Variants in TPD52L1 observed in about 807,000 individuals in gnomAD.
TPD52L1 encodes the protein tumor protein D53.
A neutral mutation model predicts 28.7 loss-of-function variants in TPD52L1; 18 were observed. The ratio of observed to expected loss-of-function variants is 0.63; its 90% CI spans 0.43 to 0.93. The LOEUF (loss-of-function observed/expected upper bound fraction) is 0.93. Ranked by LOEUF, TPD52L1 falls within the 40% of genes least tolerant of loss-of-function variation. TPD52L1 has a pLI of 0.00. For synonymous variants in TPD52L1, 75 were observed against 88.8 expected, an observed-to-expected ratio of 0.84 and a Z score of 0.88; for missense variants, 203 against 254.8, an observed-to-expected ratio of 0.80 and a Z score of 1.39.
chr6:125,169,217 A>G (rs1019566513), intron 1 of TPD52L1, among the ~76,000 whole-genome samples: 3 of 152,130 alleles, frequency 2.0e-5, no homozygotes, highest in Non-Finnish European at 2.9e-5. Flanking sequence ...CTCCTTTGCT[A>G]GCTGCTGGCC....
Position 125,184,568 on chromosome 6 carries a change from G to A in TPD52L1, c.19+30598G>A, listed in dbSNP as rs551147578. 2.6e-5 allele frequency among the ~76,000 whole-genome samples: 4 copies of A among 152,360 alleles called. No individual in the cohort carries two copies. In the South Asian group the frequency reaches 8.3e-4, roughly 32 times the overall value. On this transcript the variant is annotated intron_variant, in intron 1 of 6. Coordinates refer to ENST00000534000, the MANE Select transcript of TPD52L1 (RefSeq NM_003287.4). Reference sequence around the variant, plus strand: ...AGAGGGAGAAGCAATGTAGCAGCAAGTATCTGGAAGGAAGAAATAGTTGGT... The same window carrying A: ...AGAGGGAGAAGCAATGTAGCAGCAAATATCTGGAAGGAAGAAATAGTTGGT...
At chr6:125,185,894 AT>A (rs536833440) in intron 1 of TPD52L1, among the ~76,000 whole-genome samples, 324 of 130,422 alleles carry the variant, frequency 2.5e-3, no homozygotes, top group Non-Finnish European at 3.7e-3. Context: ...TGGAAATTTG[AT>A]TTTTTTTTTT....
chr6:125,221,893 T>G (rs1176010512), intron 2 of TPD52L1: 1 of 152,220 alleles, frequency 6.6e-6, no homozygotes, highest in Non-Finnish European at 1.5e-5. Flanking sequence ...CTCTTATTTC[T>G]GGGTTCTTCG....
chr6:125,241,113 T>C (rs566392483), intron 3 of TPD52L1, among the ~76,000 whole-genome samples: 1 of 152,324 alleles, frequency 6.6e-6, no homozygotes, highest in African/African-American at 2.4e-5. Flanking sequence ...ATTCTGTTTA[T>C]GTAATGTATC....
chr6:125,238,197 C>T (rs908987310), intron 3 of TPD52L1, among the ~76,000 whole-genome samples: 20 of 152,188 alleles, frequency 1.3e-4, no homozygotes, highest in African/African-American at 4.8e-4. Flanking sequence ...TATTTAGTAG[C>T]AGGCTTCTTC....
At chr6:125,260,977 AAAAGAAAAGAAAG>A (rs1307973204) in intron 6 of TPD52L1, 4 of 43,804 alleles carry the variant, frequency 9.1e-5, no homozygotes, top group African/African-American at 1.8e-4. Context: ...AGAAAGAAAG[AAAAGAAAAGAAAG>A]AAAGAAAGAA....
intron 1 of TPD52L1, among the ~76,000 whole-genome samples, chr6:125,164,324 G>C (rs892227541): frequency 2.0e-5 from 3 of 152,108 alleles, no homozygotes; most frequent in African/African-American, 7.2e-5. Context: ...GTCAAGTTGC[G>C]GGTGGAGGAT....
intron 1 of TPD52L1, among the ~76,000 whole-genome samples, chr6:125,163,835 T>C (rs933075469): frequency 2.6e-4 from 38 of 148,816 alleles, no homozygotes; most frequent in African/African-American, 9.2e-4. Flanking sequence ...GAGAATCACT[T>C]GAACTTGGGA....
intron 1 of TPD52L1, among the ~76,000 whole-genome samples, chr6:125,202,954 T>G (rs1266602571): frequency 6.6e-6 from 1 of 151,830 alleles, no homozygotes; most frequent in Non-Finnish European, 1.5e-5. Context: ...TTAGTAGAGA[T>G]GGGGTTTCAC....
intron 1 of TPD52L1, among the ~76,000 whole-genome samples, chr6:125,177,494 G>A (rs910087844): frequency 4.6e-5 from 7 of 152,148 alleles, no homozygotes; most frequent in African/African-American, 1.2e-4. Context: ...GTAGCTGTAA[G>A]CACTTGAGGG....
At chr6:125,257,909 C>T (rs1391049246) in intron 6 of TPD52L1, among the ~76,000 whole-genome samples, 1 of 151,996 alleles carries the variant, frequency 6.6e-6, no homozygotes, top group Non-Finnish European at 1.5e-5. Context: ...TTACATCTTG[C>T]TATCATTATC....
chr6:125,242,524 T>A (rs1583001171), intron 3 of TPD52L1, among the ~76,000 whole-genome samples: 5 of 152,246 alleles, frequency 3.3e-5, no homozygotes, highest in Admixed American at 2.6e-4. Flanking sequence ...ATTGGACTAA[T>A]CCTTTCATCA....
chr6:125,220,263 A>C, intron 2 of TPD52L1, 70 bp downstream of exon 2: 1 of 973,212 alleles, frequency 1.0e-6, no homozygotes, highest in Non-Finnish European at 1.6e-6. Flanking sequence ...GTTTGATATA[A>C]TAATTGTAAT....
chr6:125,218,927 CA>C (rs2114957717), intron 1 of TPD52L1, among the ~76,000 whole-genome samples: 1 of 152,290 alleles, frequency 6.6e-6, no homozygotes, highest in African/African-American at 2.4e-5. Context: ...CTCAGCAAAG[CA>C]AGAGAGCTTC....
At chr6:125,197,091 T>C (rs147184882) in intron 1 of TPD52L1, among the ~76,000 whole-genome samples, 71 of 152,372 alleles carry the variant, frequency 4.7e-4, no homozygotes, top group African/African-American at 1.6e-3. Flanking sequence ...AACCTGAAAG[T>C]ATCCCCTAAA....
chr6:125,198,970 A>T (rs1415402073), intron 1 of TPD52L1, among the ~76,000 whole-genome samples: 1 of 152,256 alleles, frequency 6.6e-6, no homozygotes, highest in Non-Finnish European at 1.5e-5. Flanking sequence ...GGTCATAGCA[A>T]GATGAGATGA....
intron 2 of TPD52L1, among the ~76,000 whole-genome samples, chr6:125,222,338 A>C (rs1441859373): frequency 6.6e-6 from 1 of 151,864 alleles, no homozygotes; most frequent in Non-Finnish European, 1.5e-5. Context: ...GTCACAGACA[A>C]CTCCTCTTTC....
At chr6:125,244,069 G>A (rs1029575641) in intron 3 of TPD52L1, among the ~76,000 whole-genome samples, 7 of 152,082 alleles carry the variant, frequency 4.6e-5, no homozygotes, top group African/African-American at 1.7e-4. Context: ...GACTCAGTAT[G>A]AGATCCTTAG....
rs779331241 is a variant in TPD52L1, at chr6:125,220,027, GT to G, written c.20-48del. 2.2e-6 allele frequency: 3 copies of G among 1,356,670 alleles called. No individual in the cohort carries two copies. In the African/African-American group the frequency reaches 4.3e-5, roughly 19 times the overall value. The allele number at this position is 1,356,670 out of a possible 1,614,324, so 84.0% of individuals were successfully genotyped here. A position where few individuals can be genotyped will look rare whatever the true frequency, so the allele number is the denominator to read the frequency against. Reference sequence around the variant, plus strand: ...CTCCACACTATGGAAGCAGAAGTTGGTTTAAATTCACTTTAAAAATTGCCTT... The same window carrying G: ...CTCCACACTATGGAAGCAGAAGTTGGTTAAATTCACTTTAAAAATTGCCTT... On this transcript the variant is annotated intron_variant, in intron 1 of 6. Coordinates refer to ENST00000534000, the MANE Select transcript of TPD52L1 (RefSeq NM_003287.4).
Sources: allele counts gnomAD v4.1 joint callset (sites outside exome capture counted in the v4.1 genomes callset), GRCh38; gene constraint gnomAD v4.1.1; transcripts MANE v1.5; gene names NCBI Gene and HGNC (gene_info 2026-07-23, HGNC 2026-07-21).